Variants in MYO16 observed in about 807,000 individuals in gnomAD.
MYO16 encodes myosin XVI.
In MYO16, 94 loss-of-function variants were observed where a neutral mutation model predicts 205.3. The observed-to-expected ratio is 0.46, with a 90% CI of 0.39 to 0.54. The LOEUF is 0.54. Among genes scored for constraint, MYO16 ranks in the 20% least tolerant of loss-of-function variants. MYO16 has a pLI of 0.00. For synonymous variants in MYO16, 988 were observed against 954.0 expected (o/e 1.04, Z -0.66); for missense variants, 2,315 against 2,387.5 (o/e 0.97, Z 0.63).
chr13:108,824,813 G>T (rs773297901), intron 9 of MYO16, among the ~76,000 whole-genome samples: 6 of 151,964 alleles, frequency 3.9e-5, no homozygotes, highest in Non-Finnish European at 8.8e-5. Context: ...TAACCTAGAT[G>T]AAATTGATGA....
At chr13:108,650,335 G>T (rs1880943655) in intron 1 of MYO16, among the ~76,000 whole-genome samples, 1 of 152,154 alleles carries the variant, frequency 6.6e-6, no homozygotes, top group Non-Finnish European at 1.5e-5. Context: ...TTGCAATGTT[G>T]CTTCAGACTC....
intron 4 of MYO16, among the ~76,000 whole-genome samples, chr13:108,743,221 ACT>A (rs1884962234): frequency 6.6e-6 from 1 of 151,986 alleles, no homozygotes; most frequent in Non-Finnish European, 1.5e-5. Context: ...AATGTTACTG[ACT>A]CATCTTCTCA....
intron 14 of MYO16, among the ~76,000 whole-genome samples, chr13:108,889,902 T>C (rs1490229911): frequency 2.0e-5 from 3 of 152,010 alleles, no homozygotes; most frequent in African/African-American, 7.3e-5. Flanking sequence ...TTGAAGTCTT[T>C]CTTTTTTATT....
chr13:109,047,809 A>G (rs1887095743), intron 24 of MYO16, among the ~76,000 whole-genome samples: 1 of 152,164 alleles, frequency 6.6e-6, no homozygotes, highest in Admixed American at 6.5e-5. Flanking sequence ...ATTGAAAATA[A>G]GAAATCTATA....
intron 1 of MYO16, among the ~76,000 whole-genome samples, chr13:108,651,170 C>T (rs780051179): frequency 1.3e-5 from 2 of 152,272 alleles, no homozygotes; most frequent in African/African-American, 4.8e-5. Context: ...CTGCAGGGAA[C>T]CTGGCCGGTG....
chr13:108,561,181 AC>A, the MYO16 span, among the ~76,000 whole-genome samples: 3 of 152,242 alleles, frequency 2.0e-5, no homozygotes, highest in Non-Finnish European at 4.4e-5. Context: ...GTTTATATTA[AC>A]AAAATACATT....
intron 33 of MYO16, among the ~76,000 whole-genome samples, chr13:109,168,963 T>C (rs148663903): frequency 6.6e-6 from 1 of 152,272 alleles, no homozygotes; most frequent in Non-Finnish European, 1.5e-5. Flanking sequence ...CCACATCAAC[T>C]GAATAGTATA....
chr13:109,140,444 C>T lies in MYO16; in HGVS notation c.4232C>T (p.Pro1411Leu). The T allele has an allele frequency of 6.4e-7, 1 of 1,551,850 alleles. No homozygotes were observed. The stretch of plus-strand genomic sequence containing the variant: ...GGGGCAGCAGCGCGCGTTCTGACCC[C>T]CGGGACTCCGCAGTGCGCGCTGCCC... ...APGAAARVLT[P>L]GTPQCALPPA... Residue 1411 changes from proline to leucine, a missense_variant, in exon 32 of 35, where the codon CCC becomes CTC. Pro to Leu is a moderately conservative substitution (Grantham distance 98, BLOSUM62 -3). This residue lies in a region of MYO16 where 1,097 missense variants were observed against 1,092.0 expected (regional missense o/e 1.00). Coordinates refer to ENST00000457511, the MANE Select transcript of MYO16 (RefSeq NM_001198950.3). This position sits in a 1 kb window ranked among gnomAD's most constrained non-coding sequence, Gnocchi z 8.0.
At chr13:109,118,285 A>T (rs567503936) in intron 28 of MYO16, among the ~76,000 whole-genome samples, 45 of 152,200 alleles carry the variant, frequency 3.0e-4, no homozygotes, top group Non-Finnish European at 5.3e-4. Flanking sequence ...CTCCATGAGG[A>T]CAGAGGCCTC....
chr13:108,979,282 A>G (rs1890780331), intron 20 of MYO16, among the ~76,000 whole-genome samples: 1 of 151,094 alleles, frequency 6.6e-6, no homozygotes, highest in South Asian at 2.1e-4. Flanking sequence ...TATTTGTTTC[A>G]TAGTTTCCAA....
At chr13:108,656,848 T>C (rs1412408651) in intron 1 of MYO16, among the ~76,000 whole-genome samples, 1 of 152,182 alleles carries the variant, frequency 6.6e-6, no homozygotes, top group Admixed American at 6.5e-5. Flanking sequence ...GGGTGAATAA[T>C]AACCAATAAA....
chr13:108,923,640 G>A (rs200002372), intron 16 of MYO16, among the ~76,000 whole-genome samples: 6 of 152,312 alleles, frequency 3.9e-5, no homozygotes, highest in East Asian at 3.9e-4. Context: ...GCCCCAATGC[G>A]GCCGGGGTGT....
chr13:108,574,602 T>C, the MYO16 span, among the ~76,000 whole-genome samples: 1 of 151,966 alleles, frequency 6.6e-6, no homozygotes, highest in African/African-American at 2.4e-5. Flanking sequence ...AAATCCTCAA[T>C]CTTTCTAATA....
chr13:108,845,874 C>G (rs1877492170), intron 10 of MYO16, among the ~76,000 whole-genome samples: 1 of 114,352 alleles, frequency 8.7e-6, no homozygotes, highest in Middle Eastern at 5.1e-3. Flanking sequence ...CCACCATTCT[C>G]TGCCATTTTT....
At chr13:109,179,656 A>G (rs769345500) in intron 34 of MYO16, 23 bp downstream of exon 34, 13 of 1,554,618 alleles carry the variant, frequency 8.4e-6, no homozygotes, top group Non-Finnish European at 1.2e-5. Flanking sequence ...GTCTGTTCAC[A>G]TGTGCAGTGA....
At chr13:109,165,499 C>T (rs572351443) in intron 33 of MYO16, among the ~76,000 whole-genome samples, 229 of 152,240 alleles carry the variant, frequency 1.5e-3, no homozygotes, top group African/African-American at 5.3e-3. Flanking sequence ...ATTGCAGGTA[C>T]AAAAGCTGAG....
At chr13:108,994,316 T>TAC (rs146565717) in intron 21 of MYO16, among the ~76,000 whole-genome samples, 25,288 of 146,304 alleles carry the variant, frequency 0.17, 2,258 homozygotes, top group Non-Finnish European at 0.19. Flanking sequence ...AAATTTGAAA[T>TAC]ACACACACAC....
intron 16 of MYO16, among the ~76,000 whole-genome samples, chr13:108,917,923 A>G (rs968228752): frequency 6.6e-6 from 1 of 152,224 alleles, no homozygotes; most frequent in African/African-American, 2.4e-5. Flanking sequence ...TCTACTCATG[A>G]TAATTGTGGA....
the MYO16 span, among the ~76,000 whole-genome samples, chr13:108,554,715 T>C: frequency 1.3e-5 from 2 of 151,642 alleles, no homozygotes; most frequent in East Asian, 1.9e-4. Flanking sequence ...CCAGGAGTGG[T>C]GGCGGGCGCC....
Sources: gnomAD v4.1 joint callset for allele counts (sites outside exome capture counted in the v4.1 genomes callset) on GRCh38, gnomAD v4.1.1 for gene constraint, gnomAD v4.1.1 regional missense constraint, Gnocchi (gnomAD v3.1) non-coding constraint, MANE v1.5 for transcripts, NCBI Gene and HGNC (gene_info 2026-07-23, HGNC 2026-07-21) for gene names.